Variants in PCDHA1 observed in about 807,000 individuals in gnomAD.
PCDHA1 encodes protocadherin alpha-1.
In PCDHA1, 42 loss-of-function variants were observed where a neutral mutation model predicts 61.3. The observed-to-expected ratio is 0.69, with a 90% CI of 0.54 to 0.89. The LOEUF (loss-of-function observed/expected upper bound fraction) is 0.89, where lower values mean the gene tolerates loss of function less well. Among genes scored for constraint, PCDHA1 ranks in the 40% least tolerant of loss-of-function variants. The probability of loss-of-function intolerance (pLI) is 0.00; values close to 1 mark genes in which losing one functional copy is unlikely to be tolerated. For missense variants in PCDHA1, 1,256 were observed against 1,235.3 expected (o/e 1.02, Z -0.25); for synonymous variants, 610 against 553.8 (o/e 1.10, Z -1.43).
chr5:140,802,874 C>G, intron 1 of PCDHA1: 7 of 1,613,730 alleles, frequency 4.3e-6, no homozygotes, highest in Non-Finnish European at 5.9e-6. Context: ...TGGACGAGAA[C>G]GACAACGCGC....
intron 1 of PCDHA1, among the ~76,000 whole-genome samples, chr5:140,917,740 C>T (rs1257665291): frequency 6.6e-6 from 1 of 152,090 alleles, no homozygotes; most frequent in Non-Finnish European, 1.5e-5. Context: ...TCTAACCTGT[C>T]CCATTGGTCT....
At position 140,892,541 on chromosome 5, in the gene PCDHA1, T is replaced by C. The variant is rs192378744; in HGVS notation, c.2395-86408T>C. Among the ~76,000 whole-genome samples, 471 of 152,362 alleles carry C rather than the reference T, an allele frequency of 3.1e-3. 2 individuals are homozygous for C. Among genetic ancestry groups the C allele is most frequent in the African/African-American group, 0.011 (438 of 41,580 alleles). On this transcript the variant is annotated intron_variant, in intron 1 of 3. Coordinates refer to ENST00000504120, the MANE Select transcript of PCDHA1 (RefSeq NM_018900.4). ...CTGGTAGACTCAGGATTCTGACTTTTGTTTCTCTAGTCCTTGGAGACTGTC... is the reference window on the plus strand; with the variant it reads ...CTGGTAGACTCAGGATTCTGACTTTCGTTTCTCTAGTCCTTGGAGACTGTC...
At chr5:140,942,160 A>G (rs782205493) in intron 1 of PCDHA1, among the ~76,000 whole-genome samples, 11 of 152,218 alleles carry the variant, frequency 7.2e-5, no homozygotes, top group Non-Finnish European at 1.5e-4. Context: ...AACAGCTTCC[A>G]TATTTCTCTA....
intron 1 of PCDHA1, chr5:140,883,205 A>C: frequency 6.2e-7 from 1 of 1,614,036 alleles, no homozygotes; most frequent in Non-Finnish European, 8.5e-7. Flanking sequence ...TTTCGAAGAA[A>C]AGAAATTATA....
At chr5:140,840,433 C>T (rs1580937674) in intron 1 of PCDHA1, among the ~76,000 whole-genome samples, 1 of 151,660 alleles carries the variant, frequency 6.6e-6, no homozygotes, top group African/African-American at 2.4e-5. Context: ...AGTTTAAAGC[C>T]GTGGAAATAG....
At chr5:140,800,588 T>C (rs1368911514) in intron 1 of PCDHA1, among the ~76,000 whole-genome samples, 1 of 152,230 alleles carries the variant, frequency 6.6e-6, no homozygotes, top group Non-Finnish European at 1.5e-5. Flanking sequence ...AGGTTAATGG[T>C]AAGTTGTCTT....
chr5:140,825,138 T>C (rs1371793732), intron 1 of PCDHA1: 3 of 151,814 alleles, frequency 2.0e-5, no homozygotes, highest in Admixed American at 1.3e-4. Flanking sequence ...AAAAAACATA[T>C]GAGTATTGAT....
chr5:140,941,259 T>G (rs368206632), intron 1 of PCDHA1, among the ~76,000 whole-genome samples: 1 of 121,734 alleles, frequency 8.2e-6, no homozygotes, highest in Non-Finnish European at 1.8e-5. Flanking sequence ...TTCTTTCTCT[T>G]TCTTTCTTTC....
chr5:140,835,505 GT>G, intron 1 of PCDHA1: 1 of 1,613,954 alleles, frequency 6.2e-7, no homozygotes, highest in Non-Finnish European at 8.5e-7. Flanking sequence ...TGATTAGCGT[GT>G]TTGACCGAGA....
intron 1 of PCDHA1, chr5:140,807,452 C>T (rs1562209141): frequency 1.2e-6 from 2 of 1,607,214 alleles, no homozygotes; most frequent in South Asian, 1.1e-5. Flanking sequence ...TGTGAATTCT[C>T]GGATCGACCG....
intron 1 of PCDHA1, chr5:140,796,182 G>C (rs782764086): frequency 5.0e-6 from 8 of 1,614,162 alleles, no homozygotes; most frequent in Non-Finnish European, 4.2e-6. Flanking sequence ...ATTACTACTC[G>C]TTGGTGCTGG....
At position 140,881,347 on chromosome 5, in the gene PCDHA1, C is replaced by A; in HGVS notation, c.2394+92663C>A. 3 of 985,212 alleles carry A rather than the reference C, an allele frequency of 3.0e-6. No homozygotes were observed. In the African/African-American group the frequency reaches 5.2e-5, roughly 17 times the overall value. 61.0% of individuals were successfully genotyped at this position (985,212 alleles called of 1,614,324 possible). ...TTAACCAGGACGCCGATTCGGGCTA[C>A]AATGCGTGGCTTTCGTATGAATTGC... On this transcript the variant is annotated intron_variant, in intron 1 of 3. Transcript: ENST00000504120.
At chr5:140,938,190 C>T (rs2091964057) in intron 1 of PCDHA1, among the ~76,000 whole-genome samples, 1 of 152,212 alleles carries the variant, frequency 6.6e-6, no homozygotes. Flanking sequence ...AAGCAATCCT[C>T]CCACGCCAGC....
At chr5:140,864,746 A>G (rs989903827) in intron 1 of PCDHA1, 1 of 152,144 alleles carries the variant, frequency 6.6e-6, no homozygotes, top group Admixed American at 6.5e-5. Context: ...AGCACCGATT[A>G]TACTCATTTT....
intron 1 of PCDHA1, chr5:140,825,356 T>G (rs1768522670): frequency 6.8e-6 from 1 of 147,500 alleles, no homozygotes. Context: ...CTAATATATA[T>G]TAGATATATA....
At chr5:140,828,871 A>C in intron 1 of PCDHA1, 1 of 1,614,250 alleles carries the variant, frequency 6.2e-7, no homozygotes, top group Non-Finnish European at 8.5e-7. Context: ...ACGGAACAAC[A>C]GTTATCAGAC....
intron 1 of PCDHA1, chr5:140,802,443 G>A (rs1762915855): frequency 6.2e-7 from 1 of 1,614,106 alleles, no homozygotes; most frequent in Admixed American, 1.7e-5. Flanking sequence ...TCTGGACCGC[G>A]AGAGCGTGTC....
intron 1 of PCDHA1, chr5:140,870,979 T>C: frequency 6.2e-7 from 1 of 1,613,556 alleles, no homozygotes; most frequent in Non-Finnish European, 8.5e-7. Flanking sequence ...CGTGGGGCTG[T>C]ACACGGGCGA....
chr5:140,871,535 G>T (rs577559822), intron 1 of PCDHA1: 2 of 1,514,054 alleles, frequency 1.3e-6, no homozygotes, highest in Admixed American at 4.8e-5. Flanking sequence ...AAGTGTATGT[G>T]AAATTATTTA....
Sources: gnomAD v4.1 joint callset for allele counts (sites outside exome capture counted in the v4.1 genomes callset) on GRCh38, gnomAD v4.1.1 for gene constraint, MANE v1.5 for transcripts, NCBI Gene and HGNC (gene_info 2026-07-23, HGNC 2026-07-21) for gene names.